Variants in SLC26A5 observed in about 807,000 individuals in gnomAD.
The protein encoded by SLC26A5 is prestin.
In SLC26A5, 51 loss-of-function variants were observed where a neutral mutation model predicts 81.0. That is an observed-to-expected ratio of 0.63 (90% CI 0.50 to 0.80). The LOEUF is 0.80. Ranked by LOEUF, SLC26A5 falls within the 30% of genes least tolerant of loss-of-function variation. The probability of loss-of-function intolerance (pLI) is 0.00; values close to 1 mark genes in which losing one functional copy is unlikely to be tolerated. For missense variants in SLC26A5, 771 were observed against 905.8 expected (o/e 0.85, Z 1.91); for synonymous variants, 325 against 332.8 (o/e 0.98, Z 0.25).
Position 103,377,020 on chromosome 7 carries a change from T to C in SLC26A5, c.1987-158A>G, listed in dbSNP as rs536785660. Among the ~76,000 whole-genome samples the C allele has an allele frequency of 5.6e-4, 86 of 152,350 alleles. No individual in the cohort carries two copies. The Middle Eastern group carries it at 0.01, about 18-fold the overall frequency. ...TATTTTTGAGCTAATCAGTTAAAAA[T>C]AATTTTGTATCTCTTTTGCTTTTTA... On this transcript the variant is annotated intron_variant, in intron 18 of 19. Transcript: ENST00000306312.
At chr7:103,378,919 A>G (rs1472542132) in intron 16 of SLC26A5, among the ~76,000 whole-genome samples, 1 of 152,114 alleles carries the variant, frequency 6.6e-6, no homozygotes, top group Non-Finnish European at 1.5e-5. Flanking sequence ...AGGAATCTAC[A>G]TGATCCCAAG....
chr7:103,420,693 T>C (rs1404887483), intron 4 of SLC26A5, 45 bp downstream of exon 4: 8 of 1,611,310 alleles, frequency 5.0e-6, no homozygotes, highest in Non-Finnish European at 6.8e-6. Flanking sequence ...GGTCAAGCAA[T>C]TGTTTGAGGA....
chr7:103,388,193 G>GTT (rs897201043), intron 14 of SLC26A5, among the ~76,000 whole-genome samples: 1,167 of 114,898 alleles, frequency 0.01, 37 homozygotes, highest in African/African-American at 0.016. Context: ...AGCCCATAAA[G>GTT]TTTTTTTTTT....
At chr7:103,380,344 A>T in intron 15 of SLC26A5, 136 bp downstream of exon 15, 2 of 684,336 alleles carry the variant, frequency 2.9e-6, no homozygotes, top group Non-Finnish European at 5.3e-6. Context: ...TCCATATAGT[A>T]GATCAAAGCT....
At chr7:103,385,841 C>T (rs1311342568) in intron 14 of SLC26A5, among the ~76,000 whole-genome samples, 1 of 151,624 alleles carries the variant, frequency 6.6e-6, no homozygotes, top group African/African-American at 2.4e-5. Flanking sequence ...GCTGGGACCA[C>T]AGGTGTGCAC....
intron 14 of SLC26A5, among the ~76,000 whole-genome samples, chr7:103,385,931 C>CT (rs201817253): frequency 3.5e-5 from 5 of 144,580 alleles, no homozygotes; most frequent in African/African-American, 1.3e-4. Flanking sequence ...TTTTTTCTTT[C>CT]TTTCTTTTTT....
At chr7:103,442,713 T>C (rs1318063603) in intron 2 of SLC26A5, among the ~76,000 whole-genome samples, 1 of 152,232 alleles carries the variant, frequency 6.6e-6, no homozygotes, top group Non-Finnish European at 1.5e-5. Context: ...AACCTGTGAC[T>C]TGCCCAAGAT....
chr7:103,406,137 A>G (rs1280491299), intron 8 of SLC26A5, among the ~76,000 whole-genome samples: 2 of 152,110 alleles, frequency 1.3e-5, no homozygotes, highest in Admixed American at 1.3e-4. Flanking sequence ...GGATCCGCTG[A>G]GCTAGACCAC....
intron 19 of SLC26A5, chr7:103,368,094 C>G: frequency 6.4e-7 from 1 of 1,555,914 alleles, no homozygotes; most frequent in Non-Finnish European, 8.7e-7. Flanking sequence ...AATTGGAATC[C>G]TAACCTTATA....
chr7:103,427,276 C>T lies in SLC26A5; in HGVS notation c.-53-5709G>A, dbSNP rs1825771837. Among the ~76,000 whole-genome samples the T allele has an allele frequency of 3.9e-5, 6 of 152,030 alleles. No homozygotes were observed. In the South Asian group the frequency reaches 1.2e-3, roughly 32 times the overall value. ...TTTTTGGTAGAGATTGAGGTTTCCC[C>T]TTGTTGGCCAGGCTGTTCTCAAACT... On this transcript the variant is annotated intron_variant, in intron 2 of 19. Coordinates refer to ENST00000306312, the MANE Select transcript of SLC26A5 (RefSeq NM_198999.3).
chr7:103,391,812 C>A (rs775751058), intron 10 of SLC26A5, 77 bp from the exon 11 acceptor site: 18 of 1,091,302 alleles, frequency 1.6e-5, no homozygotes, highest in Non-Finnish European at 2.3e-5. Flanking sequence ...CCATTTAATA[C>A]ACATTGTCAG....
In SLC26A5 at chr7:103,352,833, C is replaced by T; in HGVS notation, c.*77G>A. ...ACTAACAGATTCCAGAGCTGGCATT[C>T]AAACCCTGTCCACCTGGCCCCAAAG... is the stretch of plus-strand genomic sequence containing the variant. On this transcript the variant is annotated 3_prime_UTR_variant, in exon 20 of 20. Transcript: ENST00000339444. The T allele has an allele frequency of 3.8e-6, 3 of 780,742 alleles. No individual in the cohort carries two copies. In the Admixed American group the frequency reaches 5.1e-5, roughly 13 times the overall value. 48.4% of individuals were successfully genotyped at this position (780,742 alleles called of 1,614,324 possible). A position where few individuals can be genotyped will look rare whatever the true frequency, so the allele number is the denominator to read the frequency against.
intron 2 of SLC26A5, among the ~76,000 whole-genome samples, chr7:103,439,196 A>C (rs1826685143): frequency 6.6e-6 from 1 of 152,182 alleles, no homozygotes; most frequent in Non-Finnish European, 1.5e-5. Context: ...AGGGAAACCG[A>C]AGCCCTCTCT....
In SLC26A5 at chr7:103,398,321, T is replaced by C. The variant is rs139101447; in HGVS notation, c.889-307A>G. On this transcript the variant is annotated intron_variant, in intron 8 of 19. Transcript: ENST00000306312. ...CCATAAAGCCTTTCAAACGTTGACCTTACCTTTAGGGTGGTGAAATGAGTC... is the reference window on the plus strand; with the variant it reads ...CCATAAAGCCTTTCAAACGTTGACCCTACCTTTAGGGTGGTGAAATGAGTC... Among the ~76,000 whole-genome samples, 183 of 152,362 alleles carry C rather than the reference T, an allele frequency of 1.2e-3. 1 individual carries two copies. The highest frequency in any genetic ancestry group is 4.4e-3 in the African/African-American group (181 of 41,588).
intron 19 of SLC26A5, among the ~76,000 whole-genome samples, chr7:103,358,544 A>T (rs994098607): frequency 7.3e-5 from 11 of 150,662 alleles, no homozygotes; most frequent in African/African-American, 2.7e-4. Flanking sequence ...GCTTTTCTTT[A>T]TCTTTGAATT....
chr7:103,421,727 T>C (rs1463521408), intron 2 of SLC26A5, among the ~76,000 whole-genome samples, 160 bp from the exon 3 acceptor site: 2 of 152,178 alleles, frequency 1.3e-5, no homozygotes, highest in Admixed American at 1.3e-4. Context: ...CAGTAATTAA[T>C]GAAATCAAAA....
intron 2 of SLC26A5, 78 bp from the exon 3 acceptor site, chr7:103,421,645 G>C: frequency 1.0e-6 from 1 of 977,942 alleles, no homozygotes; most frequent in Non-Finnish European, 1.6e-6. Flanking sequence ...CTTCTTTGTG[G>C]TGTTCCAAGT....
Position 103,374,321 on chromosome 7 carries a change from T to C in SLC26A5, c.*78A>G. On this transcript the variant is annotated 3_prime_UTR_variant, in exon 20 of 20. Coordinates refer to ENST00000306312, the MANE Select transcript of SLC26A5 (RefSeq NM_198999.3). Reference sequence around the variant, plus strand: ...GTATTCACCCTTAGAAAAAAAAATCTAGCGTCTAGTATTTAAAACGTGTAA... The same window carrying C: ...GTATTCACCCTTAGAAAAAAAAATCCAGCGTCTAGTATTTAAAACGTGTAA... 1 of 1,574,290 alleles carries C rather than the reference T, an allele frequency of 6.4e-7. No homozygotes were observed. The highest frequency in any genetic ancestry group is 8.6e-7 in the Non-Finnish European group (1 of 1,161,132).
At chr7:103,374,618 G>A (rs1821216294) in intron 19 of SLC26A5, 26 bp from the exon 20 acceptor site, 2 of 1,606,288 alleles carry the variant, frequency 1.2e-6, no homozygotes, top group African/African-American at 1.3e-5. Context: ...AAGAAAATTA[G>A]TCCACACTCT....
Sources: allele counts gnomAD v4.1 joint callset (sites outside exome capture counted in the v4.1 genomes callset), GRCh38; gene constraint gnomAD v4.1.1; transcripts MANE v1.5; gene names NCBI Gene and HGNC (gene_info 2026-07-23, HGNC 2026-07-21).